The following RNGTT variants were observed in gnomAD, a reference collection of about 807,000 sequenced individuals.
RNGTT encodes RNA guanylyltransferase and 5'-phosphatase.
A neutral mutation model predicts 79.3 loss-of-function variants in RNGTT; 33 were observed. The ratio of observed to expected loss-of-function variants is 0.42; its 90% CI spans 0.32 to 0.56. The LOEUF is 0.56. Among genes scored for constraint, RNGTT ranks in the 20% least tolerant of loss-of-function variants. The pLI is 0.17. For synonymous variants in RNGTT, 222 were observed against 235.9 expected, an observed-to-expected ratio of 0.94 and a Z score of 0.54; for missense variants, 497 against 739.1, an observed-to-expected ratio of 0.67 and a Z score of 3.80.
chr6:88,923,845 AG>A (rs1468641984), intron 4 of RNGTT, among the ~76,000 whole-genome samples: 2 of 152,202 alleles, frequency 1.3e-5, no homozygotes, highest in Non-Finnish European at 2.9e-5. Flanking sequence ...TTCTATGGCC[AG>A]TTCACAATTA....
chr6:88,712,091 G>A (rs1776338106), intron 13 of RNGTT, among the ~76,000 whole-genome samples: 1 of 151,986 alleles, frequency 6.6e-6, no homozygotes, highest in South Asian at 2.1e-4. Context: ...TATCAGAAAG[G>A]GGTCACATGT....
chr6:88,667,060 G>A (rs1467799156), intron 14 of RNGTT, among the ~76,000 whole-genome samples: 2 of 152,200 alleles, frequency 1.3e-5, no homozygotes, highest in Non-Finnish European at 2.9e-5. Context: ...AAGGACATCA[G>A]TGAGTCACCA....
At chr6:88,829,188 C>G (rs1004808500) in intron 11 of RNGTT, among the ~76,000 whole-genome samples, 2 of 152,180 alleles carry the variant, frequency 1.3e-5, no homozygotes, top group African/African-American at 4.8e-5. Flanking sequence ...CAGCAGATCT[C>G]TTTGCAGAAA....
In RNGTT at chr6:88,669,679, G is replaced by A. The variant is rs78484446; in HGVS notation, c.1506+8674C>T. ...GCTCCAGCTAGACTATACTGGATAT[G>A]TGGACATAGAGCCTATGCCAAGCTA... On this transcript the variant is annotated intron_variant, in intron 14 of 15. Transcript: ENST00000369485. 2.7e-4 allele frequency among the ~76,000 whole-genome samples: 41 copies of A among 152,330 alleles called. No individual in the cohort carries two copies. In the East Asian group the frequency reaches 6.9e-3, roughly 26 times the overall value.
At chr6:88,890,669 A>C in intron 7 of RNGTT, 73 bp from the exon 8 acceptor site, 82 of 893,400 alleles carry the variant, frequency 9.2e-5, no homozygotes, top group Non-Finnish European at 1.3e-4. Flanking sequence ...AACCAATCTC[A>C]AATGAATCAC....
intron 8 of RNGTT, among the ~76,000 whole-genome samples, chr6:88,884,168 T>C (rs1327322037): frequency 6.6e-6 from 1 of 152,188 alleles, no homozygotes; most frequent in Non-Finnish European, 1.5e-5. Context: ...AGGTTAGACT[T>C]TCAACAATAT....
chr6:88,889,102 T>C (rs1040525441), intron 8 of RNGTT, among the ~76,000 whole-genome samples: 2 of 152,162 alleles, frequency 1.3e-5, no homozygotes, highest in Non-Finnish European at 2.9e-5. Flanking sequence ...ATAAGGACAG[T>C]AGTGATAATC....
intron 14 of RNGTT, among the ~76,000 whole-genome samples, chr6:88,625,771 A>T (rs1479967594): frequency 6.6e-6 from 1 of 151,912 alleles, no homozygotes; most frequent in Non-Finnish European, 1.5e-5. Flanking sequence ...AAAAAACAAG[A>T]AACAGGTCAG....
At chr6:88,956,749 T>C (rs1466448900) in intron 1 of RNGTT, among the ~76,000 whole-genome samples, 1 of 152,100 alleles carries the variant, frequency 6.6e-6, no homozygotes, top group Non-Finnish European at 1.5e-5. Context: ...CACAAGTCAA[T>C]AAATGTTGGC....
intron 14 of RNGTT, among the ~76,000 whole-genome samples, chr6:88,661,288 A>G (rs1774173147): frequency 6.6e-6 from 1 of 152,126 alleles, no homozygotes; most frequent in Non-Finnish European, 1.5e-5. Flanking sequence ...CCAAACCCAA[A>G]CCCTGCAGAA....
intron 4 of RNGTT, among the ~76,000 whole-genome samples, chr6:88,921,985 T>C (rs1784177735): frequency 6.6e-6 from 1 of 152,252 alleles, no homozygotes; most frequent in Middle Eastern, 3.4e-3. Flanking sequence ...TCAGAGGATT[T>C]TGGTATCTGA....
intron 11 of RNGTT, among the ~76,000 whole-genome samples, chr6:88,813,145 CCT>C (rs1780197026): frequency 6.6e-6 from 1 of 152,124 alleles, no homozygotes; most frequent in Admixed American, 6.6e-5. Context: ...GCTGAAACTC[CCT>C]CCACTTATGA....
chr6:88,795,424 A>C (rs1490282584), intron 12 of RNGTT, among the ~76,000 whole-genome samples: 1 of 152,168 alleles, frequency 6.6e-6, no homozygotes, highest in Non-Finnish European at 1.5e-5. Flanking sequence ...CTCGAAGCAC[A>C]TAACACAGGA....
At chr6:88,911,232 T>C (rs919426308) in intron 4 of RNGTT, among the ~76,000 whole-genome samples, 2 of 152,176 alleles carry the variant, frequency 1.3e-5, no homozygotes, top group African/African-American at 4.8e-5. Context: ...CCCATCCTTC[T>C]GCTATCTTCA....
In RNGTT at chr6:88,612,896, G is replaced by C; in HGVS notation, c.1631-14C>G. 6.2e-7 allele frequency: 1 copy of C among 1,611,574 alleles called. No homozygotes were observed. Among genetic ancestry groups the C allele is most frequent in the African/African-American group, 1.3e-5 (1 of 74,970 alleles). Reference sequence around the variant, plus strand: ...TGTTACACACAGCTGTGGACAAAGGGAGACAGGTCTCATGTGAGGGTTAAT... The same window carrying C: ...TGTTACACACAGCTGTGGACAAAGGCAGACAGGTCTCATGTGAGGGTTAAT... On this transcript the variant is annotated splice_polypyrimidine_tract_variant and intron_variant, in intron 15 of 15. Transcript: ENST00000369485.
intron 14 of RNGTT, among the ~76,000 whole-genome samples, chr6:88,672,750 A>G (rs1774704458): frequency 6.6e-6 from 1 of 152,212 alleles, no homozygotes; most frequent in Non-Finnish European, 1.5e-5. Flanking sequence ...CCTAACCACA[A>G]TGAAATCTGA....
intron 13 of RNGTT, among the ~76,000 whole-genome samples, chr6:88,731,860 TAA>T (rs1240250644): frequency 2.0e-5 from 3 of 152,124 alleles, no homozygotes; most frequent in Admixed American, 6.6e-5. Context: ...ACCAATAACA[TAA>T]TCAATTAACA....
At chr6:88,775,521 G>T (rs968769340) in intron 12 of RNGTT, among the ~76,000 whole-genome samples, 3 of 152,070 alleles carry the variant, frequency 2.0e-5, no homozygotes, top group African/African-American at 7.2e-5. Flanking sequence ...CCTCTGACCT[G>T]AGCTTGCTAA....
chr6:88,738,300 A>T (rs920496887), intron 13 of RNGTT, among the ~76,000 whole-genome samples: 2 of 152,210 alleles, frequency 1.3e-5, no homozygotes, highest in African/African-American at 4.8e-5. Flanking sequence ...AAGTATGAGA[A>T]AATGTCACAG....
Sources: allele counts gnomAD v4.1 joint callset (sites outside exome capture counted in the v4.1 genomes callset), GRCh38; gene constraint gnomAD v4.1.1; transcripts MANE v1.5; gene names NCBI Gene and HGNC (gene_info 2026-07-23, HGNC 2026-07-21).